Variants in KIAA1549 observed in about 807,000 individuals in gnomAD.
KIAA1549 encodes the protein UPF0606 protein KIAA1549.
KIAA1549 carries 70 observed loss-of-function variants against 156.4 expected under a neutral mutation model. That is an observed-to-expected ratio of 0.45 (90% CI 0.37 to 0.55). KIAA1549 has a LOEUF of 0.55. Ranked by LOEUF, KIAA1549 falls within the 20% of genes least tolerant of loss-of-function variation. KIAA1549 has a pLI of 0.00. For synonymous variants in KIAA1549, 1,103 were observed against 1,066.4 expected (o/e 1.03, Z -0.67); for missense variants, 2,428 against 2,540.9 (o/e 0.96, Z 0.96).
In KIAA1549 at chr7:138,861,307, G is replaced by T. The variant is rs552002443; in HGVS notation, c.5079C>A (p.Asp1693Glu). Reference sequence around the variant, plus strand: ...TGCTGGGGGCCACGAGGGCAAAGGCGTCGTCCAGGAGGGAGTGCATGGTCT... The same window carrying T: ...TGCTGGGGGCCACGAGGGCAAAGGCTTCGTCCAGGAGGGAGTGCATGGTCT... ...ARQTMHSLLDDAFALVAPSSQ... is the reference protein window; with the variant it reads ...ARQTMHSLLDEAFALVAPSSQ... Residue 1693 changes from aspartate (D) to glutamate (E), a missense_variant, in exon 16 of 20, where the codon GAC (aspartate) becomes GAA (glutamate). Physicochemically the swap from Asp to Glu is conservative, Grantham distance 45 (BLOSUM62 2). Coordinates refer to ENST00000422774, the MANE Select transcript of KIAA1549 (RefSeq NM_001164665.2). 1 of 1,608,952 alleles carries T rather than the reference G, an allele frequency of 6.2e-7. No individual in the cohort carries two copies. The highest frequency in any genetic ancestry group is 8.5e-7 in the Non-Finnish European group (1 of 1,178,290).
At chr7:138,893,010 G>A (rs1330553925) in intron 10 of KIAA1549, among the ~76,000 whole-genome samples, 1 of 152,152 alleles carries the variant, frequency 6.6e-6, no homozygotes, top group Non-Finnish European at 1.5e-5. Flanking sequence ...TGGTAAACAC[G>A]CTGACTGATA....
At chr7:138,925,149 G>T (rs907449632) in intron 1 of KIAA1549, among the ~76,000 whole-genome samples, 6 of 152,098 alleles carry the variant, frequency 3.9e-5, no homozygotes, top group Non-Finnish European at 7.3e-5. Flanking sequence ...CCACCACCAG[G>T]CCACACCAAT....
At chr7:138,903,541 G>A (rs1563070336) in intron 8 of KIAA1549, 47 bp downstream of exon 8, 1 of 1,589,980 alleles carries the variant, frequency 6.3e-7, no homozygotes, top group Non-Finnish European at 8.6e-7. Context: ...CGCAAGCGCT[G>A]TCTCTCTCCC....
chr7:138,953,661 A>T (rs648910), intron 1 of KIAA1549, among the ~76,000 whole-genome samples: 63,700 of 152,002 alleles, frequency 0.42, 17,633 homozygotes, highest in African/African-American at 0.8. Context: ...TATGTGATCC[A>T]TATTCCCAAG....
rs1814548957 is a variant in KIAA1549 at position 138,981,326 on chromosome 7, G to C, written c.-57C>G. On this transcript the variant is annotated 5_prime_UTR_variant, in exon 1 of 20. Coordinates refer to ENST00000422774, the MANE Select transcript of KIAA1549 (RefSeq NM_001164665.2). The surrounding 1 kb of genome is among the most constrained non-coding windows in gnomAD (Gnocchi z 4.5). Reference sequence around the variant, plus strand: ...CTCAGCGGCTCTCGGGTCCGGGAGGGGCGGCCGCTGCGGCTGCGGCTGGGA... The same window carrying C: ...CTCAGCGGCTCTCGGGTCCGGGAGGCGCGGCCGCTGCGGCTGCGGCTGGGA... The C allele has an allele frequency of 1.3e-6, 1 of 741,974 alleles. No homozygotes were observed. The highest frequency in any genetic ancestry group is 1.6e-6 in the Non-Finnish European group (1 of 610,696). The allele number at this position is 741,974 out of a possible 1,614,324, so 46.0% of individuals were successfully genotyped here.
At position 138,886,225 on chromosome 7, in the gene KIAA1549, A is replaced by G. The variant is rs151329392; in HGVS notation, c.4033-4641T>C. ...CAAAAGGCTTTGTCTTATTTGTGCT[A>G]ACTTTATGCACAAATGAGTGACAAC... is the stretch of plus-strand genomic sequence containing the variant. On this transcript the variant is annotated intron_variant, in intron 10 of 19. Coordinates refer to ENST00000422774, the MANE Select transcript of KIAA1549 (RefSeq NM_001164665.2). 6.6e-3 allele frequency among the ~76,000 whole-genome samples: 999 copies of G among 152,300 alleles called. 9 individuals are homozygous for G. Among genetic ancestry groups the G allele is most frequent in the Non-Finnish European group, 0.01 (706 of 68,022 alleles).
At chr7:138,870,631 C>A (rs779242898) in intron 13 of KIAA1549, among the ~76,000 whole-genome samples, 7 of 152,124 alleles carry the variant, frequency 4.6e-5, no homozygotes, top group Admixed American at 4.6e-4. Context: ...CCTGGTCGGC[C>A]GCACTAACAC....
rs371988021 is a variant in KIAA1549 at position 138,887,367 on chromosome 7, T to A, written c.4033-5783A>T. ...ACGTATTTAAATAAAATGCGTTTAT[T>A]TTCTCATCTGTGACCCATGGACTAG... On this transcript the variant is annotated intron_variant, in intron 10 of 19. Transcript: ENST00000422774. 9.8e-5 allele frequency among the ~76,000 whole-genome samples: 15 copies of A among 152,304 alleles called. No homozygotes were observed. The South Asian group carries it at 3.1e-3, about 32-fold the overall frequency.
chr7:138,891,308 A>G (rs542102035), intron 10 of KIAA1549, among the ~76,000 whole-genome samples: 89 of 152,380 alleles, frequency 5.8e-4, no homozygotes, highest in African/African-American at 2.1e-3. Flanking sequence ...AAGGGCAGTC[A>G]GGAGCTCTGG....
At chr7:138,866,327 T>C (rs574151600) in intron 15 of KIAA1549, among the ~76,000 whole-genome samples, 24 of 152,378 alleles carry the variant, frequency 1.6e-4, no homozygotes, top group Admixed American at 1.1e-3. Flanking sequence ...GTATAATGTT[T>C]GCACATTTGT....
At chr7:138,971,775 A>G (rs1814228323) in intron 1 of KIAA1549, among the ~76,000 whole-genome samples, 1 of 152,172 alleles carries the variant, frequency 6.6e-6, no homozygotes, top group Non-Finnish European at 1.5e-5. Flanking sequence ...GGTCCCTTTC[A>G]GTACCAATAT....
chr7:138,918,813 A>G lies in KIAA1549; in HGVS notation c.813T>C (p.Ala271=), dbSNP rs980521202. The change falls in exon 2 of 20, where the codon GCT becomes GCC. Residue 271 remains alanine, a synonymous_variant. Coordinates refer to ENST00000422774, the MANE Select transcript of KIAA1549 (RefSeq NM_001164665.2). The surrounding 1 kb of genome is among the most constrained non-coding windows in gnomAD (Gnocchi z 4.2). ...TGGTTTCCACACCCTCTGTTAGGGAAGCCACAATCTCTGGCAGAGTCCTGC... is the reference window on the plus strand; with the variant it reads ...TGGTTTCCACACCCTCTGTTAGGGAGGCCACAATCTCTGGCAGAGTCCTGC... The part of the protein sequence containing the change: ...LSSRTLPEIV[A]SLTEGVETTL... 6 of 1,614,018 alleles carry G rather than the reference A, an allele frequency of 3.7e-6. No homozygotes were observed. Among genetic ancestry groups the G allele is most frequent in the Admixed American group, 3.3e-5 (2 of 60,028 alleles).
intron 1 of KIAA1549, among the ~76,000 whole-genome samples, chr7:138,930,921 T>C (rs1019058359): frequency 6.6e-6 from 1 of 152,210 alleles, no homozygotes; most frequent in Admixed American, 6.5e-5. Flanking sequence ...CACGTAATCA[T>C]TTCTAGCTTT....
intron 16 of KIAA1549, among the ~76,000 whole-genome samples, chr7:138,859,963 C>A (rs1164590903): frequency 1.3e-5 from 2 of 152,214 alleles, no homozygotes; most frequent in Non-Finnish European, 2.9e-5. Context: ...AAAAATCCAT[C>A]CTGTACTGTG....
chr7:138,869,975 G>A (rs1330091877), intron 13 of KIAA1549, among the ~76,000 whole-genome samples: 4 of 152,026 alleles, frequency 2.6e-5, no homozygotes, highest in Admixed American at 1.3e-4. Flanking sequence ...TCAGCCTGCC[G>A]AGTAGCTGGG....
At chr7:138,979,196 ATAT>A (rs1374773841) in intron 1 of KIAA1549, among the ~76,000 whole-genome samples, 1 of 152,220 alleles carries the variant, frequency 6.6e-6, no homozygotes, top group Middle Eastern at 3.2e-3. Flanking sequence ...TAGAATGGAA[ATAT>A]TATTAATTTC....
intron 17 of KIAA1549, among the ~76,000 whole-genome samples, chr7:138,848,354 T>A (rs780044549): frequency 6.6e-6 from 1 of 152,240 alleles, no homozygotes; most frequent in Admixed American, 6.5e-5. Context: ...TCACTTCTAT[T>A]CTTTGTTTGC....
chr7:138,964,816 T>C lies in KIAA1549; in HGVS notation c.187+16267A>G, dbSNP rs888279724. On this transcript the variant is annotated intron_variant, in intron 1 of 19. Transcript: ENST00000422774. ...GCTTCAGCCTTTCTAGAGAGCGATTTGGCAATATGCATCAAAATTTAATAT... is the reference window on the plus strand; with the variant it reads ...GCTTCAGCCTTTCTAGAGAGCGATTCGGCAATATGCATCAAAATTTAATAT... Among the ~76,000 whole-genome samples the C allele has an allele frequency of 9.2e-5, 14 of 152,348 alleles. No individual in the cohort carries two copies. In the South Asian group the frequency reaches 2.1e-3, roughly 23 times the overall value.
rs1356301929 is a variant in KIAA1549, at chr7:138,905,042, T to G, written c.3500A>C (p.Lys1167Thr). 2 of 1,576,736 alleles carry G rather than the reference T, an allele frequency of 1.3e-6. No homozygotes were observed. The highest frequency in any genetic ancestry group is 1.7e-6 in the Non-Finnish European group (2 of 1,159,680). Reference protein sequence around the residue: ...YPQLNLSQLLKSSWVRTVLLG... With the variant: ...YPQLNLSQLLTSSWVRTVLLG... The stretch of plus-strand genomic sequence containing the variant: ...CATACCTGTTCTGACCCAAGAGGAC[T>G]TCAGCAACTGAGATAAGTTGAGCTG... Residue 1167 changes from lysine to threonine, a missense_variant, in exon 7 of 20, where the codon AAG becomes ACG. Physicochemically the swap from Lys to Thr is moderately conservative, Grantham distance 78. Transcript: ENST00000422774.
Sources: allele counts gnomAD v4.1 joint callset (sites outside exome capture counted in the v4.1 genomes callset), GRCh38; gene constraint gnomAD v4.1.1; non-coding constraint Gnocchi (gnomAD v3.1); transcripts MANE v1.5; gene names NCBI Gene and HGNC (gene_info 2026-07-23, HGNC 2026-07-21).